The following CAMKMT variants were observed in gnomAD, a reference collection of about 807,000 sequenced individuals.
CAMKMT encodes the protein CaM KMT.
CAMKMT carries 53 observed loss-of-function variants against 48.0 expected under a neutral mutation model. The observed-to-expected ratio is 1.10, with a 90% confidence interval of 0.89 to 1.39. The LOEUF (loss-of-function observed/expected upper bound fraction) is 1.39. CAMKMT is among the 40% of genes most tolerant of loss of function. The pLI is 0.00. For missense variants in CAMKMT, 428 were observed against 402.7 expected (o/e 1.06, Z -0.54); for synonymous variants, 165 against 152.3 (o/e 1.08, Z -0.61).
rs188638762 is a variant in CAMKMT at position 44,662,315 on chromosome 2, T to C, written c.377-41968T>C. On this transcript the variant is annotated intron_variant, in intron 3 of 10. Transcript: ENST00000378494. ...AGAATGACAATCAGTGCTTCTGATA[T>C]TGAACGACTATAAGAGGAGAGTGGG... 3.0e-3 allele frequency among the ~76,000 whole-genome samples: 464 copies of C among 152,350 alleles called. 3 individuals are homozygous for C. The highest frequency in any genetic ancestry group is 0.011 in the African/African-American group (439 of 41,574).
intron 3 of CAMKMT, among the ~76,000 whole-genome samples, chr2:44,523,080 G>A (rs1035333618): frequency 5.3e-5 from 8 of 151,874 alleles, no homozygotes; most frequent in Non-Finnish European, 1.2e-4. Flanking sequence ...TTTAGATTTT[G>A]TTACAACAGC....
intron 3 of CAMKMT, among the ~76,000 whole-genome samples, chr2:44,486,955 A>G (rs1021837511): frequency 2.6e-5 from 4 of 152,234 alleles, no homozygotes; most frequent in African/African-American, 9.6e-5. Context: ...AACATGAAAT[A>G]TGCTTAACTA....
chr2:44,549,729 G>T, intron 3 of CAMKMT: 1 of 519,430 alleles, frequency 1.9e-6, no homozygotes, highest in Non-Finnish European at 3.4e-6. Context: ...TCAGACTTCA[G>T]TAAGTAAGCC....
At chr2:44,735,667 C>T (rs1008072807) in intron 7 of CAMKMT, among the ~76,000 whole-genome samples, 10 of 151,480 alleles carry the variant, frequency 6.6e-5, no homozygotes, top group Admixed American at 1.3e-4. Flanking sequence ...TTTGGGAGGC[C>T]AAAGTGGGCG....
chr2:44,758,883 G>C (rs987059500), intron 9 of CAMKMT, among the ~76,000 whole-genome samples: 2 of 152,184 alleles, frequency 1.3e-5, no homozygotes, highest in Non-Finnish European at 2.9e-5. Context: ...AATGACTTTG[G>C]GTACAGGGAG....
At chr2:44,752,369 G>A (rs1209404144) in intron 8 of CAMKMT, among the ~76,000 whole-genome samples, 1 of 152,022 alleles carries the variant, frequency 6.6e-6, no homozygotes. Context: ...CTATCAATAG[G>A]TATCATTGGC....
At chr2:44,399,996 AT>A (rs1368173281) in intron 3 of CAMKMT, among the ~76,000 whole-genome samples, 1 of 152,238 alleles carries the variant, frequency 6.6e-6, no homozygotes, top group African/African-American at 2.4e-5. Context: ...TTAATTATTT[AT>A]AGTCATTTAT....
At chr2:44,693,810 C>T (rs534399744) in intron 3 of CAMKMT, among the ~76,000 whole-genome samples, 35 of 152,310 alleles carry the variant, frequency 2.3e-4, no homozygotes, top group Non-Finnish European at 4.4e-4. Flanking sequence ...AACATCTACC[C>T]GTGCATTTAT....
intron 7 of CAMKMT, among the ~76,000 whole-genome samples, chr2:44,733,284 T>C (rs560741250): frequency 1.3e-5 from 2 of 152,284 alleles, no homozygotes; most frequent in East Asian, 3.9e-4. Flanking sequence ...AACAGAATGG[T>C]TTTTTAATGC....
rs903838008 is a variant in CAMKMT at position 44,472,710 on chromosome 2, T to TA, written c.376+82408dup. On this transcript the variant is annotated intron_variant, in intron 3 of 10. Transcript: ENST00000378494. The stretch of plus-strand genomic sequence containing the variant: ...ATAGGAAAGAAGAAATTGCTTTTCC[T>TA]AAATTATGCATCCCAGAAAATAGCA... 5.8e-4 allele frequency among the ~76,000 whole-genome samples: 89 copies of TA among 152,328 alleles called. 1 individual carries two copies. Among genetic ancestry groups the TA allele is most frequent in the African/African-American group, 2.1e-3 (86 of 41,572 alleles).
At chr2:44,408,217 G>T (rs896336225) in intron 3 of CAMKMT, among the ~76,000 whole-genome samples, 2 of 151,676 alleles carry the variant, frequency 1.3e-5, no homozygotes, top group African/African-American at 4.8e-5. Context: ...ATAAAGATGG[G>T]GTTTCACCAT....
intron 3 of CAMKMT, among the ~76,000 whole-genome samples, chr2:44,649,817 T>A (rs1424516092): frequency 2.0e-5 from 3 of 152,302 alleles, no homozygotes; most frequent in South Asian, 4.1e-4. Context: ...TCACTGTACC[T>A]TTAGCCAAGG....
intron 3 of CAMKMT, among the ~76,000 whole-genome samples, chr2:44,534,223 C>G (rs917037236): frequency 6.6e-6 from 1 of 152,108 alleles, no homozygotes; most frequent in Non-Finnish European, 1.5e-5. Context: ...GATTATAAAG[C>G]AGATATTACT....
At chr2:44,517,908 A>C (rs1455425001) in intron 3 of CAMKMT, among the ~76,000 whole-genome samples, 1 of 152,178 alleles carries the variant, frequency 6.6e-6, no homozygotes, top group Admixed American at 6.5e-5. Flanking sequence ...GATGTTTTAC[A>C]CTGTGATTTT....
At chr2:44,595,262 G>A (rs374207524) in intron 3 of CAMKMT, among the ~76,000 whole-genome samples, 1 of 151,400 alleles carries the variant, frequency 6.6e-6, no homozygotes, top group East Asian at 1.9e-4. Flanking sequence ...CAAGGATCTG[G>A]TACTAGAAAT....
chr2:44,498,825 A>G lies in CAMKMT; in HGVS notation c.376+108520A>G, dbSNP rs540505295. Reference sequence around the variant, plus strand: ...CTGATATCTCCTTAATTATTGGCCAATATTCCCAAATGAGATTGGTCTCTT... The same window carrying G: ...CTGATATCTCCTTAATTATTGGCCAGTATTCCCAAATGAGATTGGTCTCTT... On this transcript the variant is annotated intron_variant, in intron 3 of 10. Coordinates refer to ENST00000378494, the MANE Select transcript of CAMKMT (RefSeq NM_024766.5). Among the ~76,000 whole-genome samples, 414 of 152,318 alleles carry G rather than the reference A, an allele frequency of 2.7e-3. 1 individual carries two copies. The highest frequency in any genetic ancestry group is 9.4e-3 in the African/African-American group (392 of 41,576).
At chr2:44,476,822 C>T (rs1042704125) in intron 3 of CAMKMT, among the ~76,000 whole-genome samples, 3 of 152,120 alleles carry the variant, frequency 2.0e-5, no homozygotes, top group Non-Finnish European at 2.9e-5. Context: ...TCAATTTCCT[C>T]ATCTGTAAAA....
At chr2:44,705,970 G>C (rs557969100) in intron 4 of CAMKMT, among the ~76,000 whole-genome samples, 1 of 152,060 alleles carries the variant, frequency 6.6e-6, no homozygotes, top group Non-Finnish European at 1.5e-5. Flanking sequence ...CGCTACTCTA[G>C]CTAGTTTAGT....
At chr2:44,533,437 C>T (rs1464400066) in intron 3 of CAMKMT, among the ~76,000 whole-genome samples, 2 of 150,262 alleles carry the variant, frequency 1.3e-5, no homozygotes, top group Non-Finnish European at 3.0e-5. Flanking sequence ...CAGGGTTTCA[C>T]CATGTTGGCC....
Sources: gnomAD v4.1 joint callset for allele counts (sites outside exome capture counted in the v4.1 genomes callset) on GRCh38, gnomAD v4.1.1 for gene constraint, MANE v1.5 for transcripts, NCBI Gene and HGNC (gene_info 2026-07-23, HGNC 2026-07-21) for gene names.